The following AGPAT4 variants were observed in gnomAD, a reference collection of about 807,000 sequenced individuals.
AGPAT4 encodes the protein 1-acyl-sn-glycerol-3-phosphate acyltransferase delta.
AGPAT4 carries 15 observed loss-of-function variants against 48.0 expected under a neutral mutation model. That is an observed-to-expected ratio of 0.31 (90% CI 0.21 to 0.48). AGPAT4 has a LOEUF of 0.48. AGPAT4 is among the 20% of genes least tolerant of loss of function. AGPAT4 has a pLI of 0.99. For synonymous variants in AGPAT4, 178 were observed against 198.7 expected (o/e 0.90, Z 0.88); for missense variants, 314 against 482.5 (o/e 0.65, Z 3.27).
chr6:161,255,855 G>A lies in AGPAT4; in HGVS notation c.-90+18083C>T, dbSNP rs1007914657. 6.6e-6 allele frequency among the ~76,000 whole-genome samples: 1 copy of A among 152,096 alleles called. No homozygotes were observed. The highest frequency in any genetic ancestry group is 1.9e-4 in the East Asian group (1 of 5,188). On this transcript the variant is annotated intron_variant, in intron 1 of 8. Transcript: ENST00000320285. The surrounding 1 kb of genome is among the most constrained non-coding windows in gnomAD (Gnocchi z 4.7). ...CCATTGCACTGCACACTTGCAATGG[G>A]TGAATTTTATGGTATATAAATTATA... is the stretch of plus-strand genomic sequence containing the variant.
chr6:161,270,511 G>A lies in AGPAT4; in HGVS notation c.-90+3427C>T, dbSNP rs554342503. Among the ~76,000 whole-genome samples, 1 of 152,344 alleles carries A rather than the reference G, an allele frequency of 6.6e-6. No individual in the cohort carries two copies. Among genetic ancestry groups the A allele is most frequent in the Non-Finnish European group, 1.5e-5 (1 of 68,026 alleles). Reference sequence around the variant, plus strand: ...GGGCCAGGCACGGTGGCTCACGCCTGTAATCCCAGCATTCTGGGAGGCCAA... The same window carrying A: ...GGGCCAGGCACGGTGGCTCACGCCTATAATCCCAGCATTCTGGGAGGCCAA... On this transcript the variant is annotated intron_variant, in intron 1 of 8. Coordinates refer to ENST00000320285, the MANE Select transcript of AGPAT4 (RefSeq NM_020133.3). The surrounding 1 kb of genome is among the most constrained non-coding windows in gnomAD (Gnocchi z 5.3).
At position 161,141,241 on chromosome 6, in the gene AGPAT4, A is replaced by T. The variant is rs939913341; in HGVS notation, c.844-1621T>A. On this transcript the variant is annotated intron_variant, in intron 7 of 8. Coordinates refer to ENST00000320285, the MANE Select transcript of AGPAT4 (RefSeq NM_020133.3). This position sits in a 1 kb window ranked among gnomAD's most constrained non-coding sequence, Gnocchi z 6.7. ...GCAGCCCATTAACAAGCCTGGTCCG[A>T]AGCGTCACTTGTCGCGTGACTCTGC... 6.6e-6 allele frequency among the ~76,000 whole-genome samples: 1 copy of T among 152,088 alleles called. No individual in the cohort carries two copies. Among genetic ancestry groups the T allele is most frequent in the African/African-American group, 2.4e-5 (1 of 41,408 alleles).
In AGPAT4 at chr6:161,221,188, A is replaced by G. The variant is rs772193954; in HGVS notation, c.178+10848T>C. Among the ~76,000 whole-genome samples, 9 of 152,090 alleles carry G rather than the reference A, an allele frequency of 5.9e-5. No homozygotes were observed. The highest frequency in any genetic ancestry group is 2.1e-4 in the South Asian group (1 of 4,822). On this transcript the variant is annotated intron_variant, in intron 2 of 8. Transcript: ENST00000320285. This position sits in a 1 kb window ranked among gnomAD's most constrained non-coding sequence, Gnocchi z 4.5. ...AGGCTTTCCCTCCGGTCAGCAGAAA[A>G]TCCACCCCTCGGGGCTGGGTTTCCA...
intron 4 of AGPAT4, 198 bp downstream of exon 4, chr6:161,153,951 A>C (rs1042926976): frequency 1.5e-6 from 1 of 665,522 alleles, no homozygotes; most frequent in Admixed American, 2.4e-5. Flanking sequence ...ACGGCCCCAC[A>C]GTCATACGTG....
rs919746174 is a variant in AGPAT4 at position 161,155,440 on chromosome 6, C to T, written c.349-1130G>A. Among the ~76,000 whole-genome samples the T allele has an allele frequency of 2.6e-5, 4 of 152,194 alleles. No homozygotes were observed. The highest frequency in any genetic ancestry group is 4.4e-5 in the Non-Finnish European group (3 of 68,032). On this transcript the variant is annotated intron_variant, in intron 3 of 8. Coordinates refer to ENST00000320285, the MANE Select transcript of AGPAT4 (RefSeq NM_020133.3). The surrounding 1 kb of genome is among the most constrained non-coding windows in gnomAD (Gnocchi z 5.8). Reference sequence around the variant, plus strand: ...GCTTCAACACAGCCCTCTCTCCTCTCCTCCCCGTTACACCCATGCCTCTCC... The same window carrying T: ...GCTTCAACACAGCCCTCTCTCCTCTTCTCCCCGTTACACCCATGCCTCTCC...
chr6:161,237,436 C>A (rs564933838), intron 1 of AGPAT4, among the ~76,000 whole-genome samples: 1 of 152,300 alleles, frequency 6.6e-6, no homozygotes, highest in East Asian at 1.9e-4. Context: ...TTCAGCACCA[C>A]TTGGATGTAA....
chr6:161,144,001 G>A lies in AGPAT4; in HGVS notation c.843+2523C>T. On this transcript the variant is annotated intron_variant, in intron 7 of 8. Transcript: ENST00000320285. This position sits in a 1 kb window ranked among gnomAD's most constrained non-coding sequence, Gnocchi z 6.6. ...ACATACACCACACTTCTGACTGCAA[G>A]GTTGATCATTAAAATGAAATCCCAC... The A allele has an allele frequency of 2.5e-6, 1 of 399,882 alleles. No homozygotes were observed. The highest frequency in any genetic ancestry group is 1.9e-5 in the South Asian group (1 of 51,774). The allele number at this position is 399,882 out of a possible 1,614,324, so 24.8% of individuals were successfully genotyped here. A position where few individuals can be genotyped will look rare whatever the true frequency, so the allele number is the denominator to read the frequency against.
In AGPAT4 at chr6:161,242,147, T is replaced by A. The variant is rs776843336; in HGVS notation, c.-89-9845A>T. ...CATTAGTTCTCACAAAAACCCACTATGAAAGGTATTGCCATTCTCACATTA... is the reference window on the plus strand; with the variant it reads ...CATTAGTTCTCACAAAAACCCACTAAGAAAGGTATTGCCATTCTCACATTA... On this transcript the variant is annotated intron_variant, in intron 1 of 8. Transcript: ENST00000320285. This position sits in a 1 kb window ranked among gnomAD's most constrained non-coding sequence, Gnocchi z 5.0. Among the ~76,000 whole-genome samples the A allele has an allele frequency of 6.6e-6, 1 of 152,236 alleles. No homozygotes were observed. Among genetic ancestry groups the A allele is most frequent in the African/African-American group, 2.4e-5 (1 of 41,470 alleles).
chr6:161,248,571 C>CAAAA (rs35527158), intron 1 of AGPAT4, among the ~76,000 whole-genome samples: 2 of 63,716 alleles, frequency 3.1e-5, no homozygotes, highest in Non-Finnish European at 5.8e-5. Flanking sequence ...GACTCTGTCT[C>CAAAA]AAAAAAAAAA....
chr6:161,186,775 T>C (rs1780782370), intron 2 of AGPAT4, among the ~76,000 whole-genome samples: 1 of 152,206 alleles, frequency 6.6e-6, no homozygotes, highest in South Asian at 2.1e-4. Context: ...TGCAACGCTG[T>C]TCCTGGAACT....
Position 161,133,173 on chromosome 6 carries a change from C to G in AGPAT4, c.*3367G>C, listed in dbSNP as rs1459240776. ...TAAGTTCTAAAGCCTATGCGAAGCC[C>G]ATTCTGTTTTGCTTGGGGACCAGCC... On this transcript the variant is annotated 3_prime_UTR_variant, in exon 9 of 9. Transcript: ENST00000320285. 6.6e-6 allele frequency: 1 copy of G among 152,202 alleles called. No individual in the cohort carries two copies. Among genetic ancestry groups the G allele is most frequent in the Admixed American group, 6.5e-5 (1 of 15,282 alleles). The allele number at this position is 152,202 out of a possible 1,614,324, so 9.4% of individuals were successfully genotyped here.
In AGPAT4 at chr6:161,223,807, C is replaced by A. The variant is rs770032786; in HGVS notation, c.178+8229G>T. Among the ~76,000 whole-genome samples the A allele has an allele frequency of 1.1e-4, 17 of 152,126 alleles. No homozygotes were observed. Among genetic ancestry groups the A allele is most frequent in the Non-Finnish European group, 1.5e-5 (1 of 68,026 alleles). On this transcript the variant is annotated intron_variant, in intron 2 of 8. Transcript: ENST00000320285. The surrounding 1 kb of genome is among the most constrained non-coding windows in gnomAD (Gnocchi z 6.3). ...AGTGAAAGGCTCTCCACTCAAAGAC[C>A]TCCTGGCCCCAATCTCTGCTCCATC...
At chr6:161,227,576 G>A (rs1243592510) in intron 2 of AGPAT4, among the ~76,000 whole-genome samples, 1 of 152,180 alleles carries the variant, frequency 6.6e-6, no homozygotes, top group East Asian at 1.9e-4. Flanking sequence ...TGCACGCACA[G>A]CCCTTGCTGC....
rs963648112 is a variant in AGPAT4 at position 161,226,318 on chromosome 6, C to T, written c.178+5718G>A. Among the ~76,000 whole-genome samples, 3 of 152,192 alleles carry T rather than the reference C, an allele frequency of 2.0e-5. No homozygotes were observed. The highest frequency in any genetic ancestry group is 4.8e-5 in the African/African-American group (2 of 41,438). On this transcript the variant is annotated intron_variant, in intron 2 of 8. Transcript: ENST00000320285. The surrounding 1 kb of genome is among the most constrained non-coding windows in gnomAD (Gnocchi z 6.3). ...TTTGGAACTCAAAGAGTGAAAACTC[C>T]TGCTTAGATTGAATTGAAATGAGAA...
chr6:161,225,722 G>A lies in AGPAT4; in HGVS notation c.178+6314C>T, dbSNP rs568779213. 1.4e-3 allele frequency among the ~76,000 whole-genome samples: 209 copies of A among 152,292 alleles called. 2 individuals carry two copies. Among genetic ancestry groups the A allele is most frequent in the African/African-American group, 4.8e-3 (201 of 41,554 alleles). On this transcript the variant is annotated intron_variant, in intron 2 of 8. Transcript: ENST00000320285. This position sits in a 1 kb window ranked among gnomAD's most constrained non-coding sequence, Gnocchi z 5.0. ...TGTTTGCTTGTTTCAGCTGTGCAGC[G>A]TGGACACACTTCAGAAGTAAAAGGT... is the stretch of plus-strand genomic sequence containing the variant.
Position 161,223,292 on chromosome 6 carries a change from C to T in AGPAT4, c.178+8744G>A, listed in dbSNP as rs967333564. ...CTGGGCGGCGACAGGCATTCTGCAGCGAATTAGCATGCACAGGTTTGATCC... is the reference window on the plus strand; with the variant it reads ...CTGGGCGGCGACAGGCATTCTGCAGTGAATTAGCATGCACAGGTTTGATCC... On this transcript the variant is annotated intron_variant, in intron 2 of 8. Transcript: ENST00000320285. The surrounding 1 kb of genome is among the most constrained non-coding windows in gnomAD (Gnocchi z 6.3). Among the ~76,000 whole-genome samples the T allele has an allele frequency of 6.6e-6, 1 of 152,180 alleles. No homozygotes were observed. Among genetic ancestry groups the T allele is most frequent in the African/African-American group, 2.4e-5 (1 of 41,434 alleles).
intron 2 of AGPAT4, among the ~76,000 whole-genome samples, chr6:161,186,251 A>C (rs1275457486): frequency 1.3e-5 from 2 of 152,178 alleles, no homozygotes; most frequent in Non-Finnish European, 2.9e-5. Flanking sequence ...AGCCTGACTA[A>C]CATGATGATG....
At chr6:161,174,082 T>C (rs1780358411) in intron 2 of AGPAT4, among the ~76,000 whole-genome samples, 1 of 152,232 alleles carries the variant, frequency 6.6e-6, no homozygotes. Flanking sequence ...GGTAGTGTGA[T>C]GCCTCCAGCT....
chr6:161,193,826 C>T (rs143135225), intron 2 of AGPAT4, among the ~76,000 whole-genome samples: 112 of 151,852 alleles, frequency 7.4e-4, no homozygotes, highest in African/African-American at 2.6e-3. Context: ...TATGTCCTTA[C>T]TATCTTGACA....
Sources: allele counts gnomAD v4.1 joint callset (sites outside exome capture counted in the v4.1 genomes callset), GRCh38; gene constraint gnomAD v4.1.1; non-coding constraint Gnocchi (gnomAD v3.1); transcripts MANE v1.5; gene names NCBI Gene and HGNC (gene_info 2026-07-23, HGNC 2026-07-21).